Variants in TBC1D31 observed in about 807,000 individuals in gnomAD.
The protein encoded by TBC1D31 is WD repeat domain 67.
In TBC1D31, 99 loss-of-function variants were observed where a neutral mutation model predicts 132.9. That is an observed-to-expected ratio of 0.74 (90% CI 0.63 to 0.88). The LOEUF (loss-of-function observed/expected upper bound fraction) is 0.88, where lower values mean the gene tolerates loss of function less well. Among genes scored for constraint, TBC1D31 ranks in the 40% least tolerant of loss-of-function variants. The pLI is 0.00. For missense variants in TBC1D31, 1,134 were observed against 1,256.6 expected (o/e 0.90, Z 1.48); for synonymous variants, 385 against 419.4 (o/e 0.92, Z 1.00).
At chr8:123,157,805 C>G in the TBC1D31 span, among the ~76,000 whole-genome samples, 1 of 152,148 alleles carries the variant, frequency 6.6e-6, no homozygotes, top group Non-Finnish European at 1.5e-5. Flanking sequence ...CTCCCGGCGC[C>G]CCAGGTTTCC....
chr8:123,157,717 G>GGGCACACACACA, the TBC1D31 span, among the ~76,000 whole-genome samples: 2 of 99,640 alleles, frequency 2.0e-5, no homozygotes, highest in Non-Finnish European at 4.2e-5. Context: ...GGGCGCGCGC[G>GGGCACACACACA]CGCACACACA....
rs1363763596 is a variant in TBC1D31, at chr8:123,126,555, A to T, written c.1752A>T (p.Thr584=). 2 of 1,614,144 alleles carry T rather than the reference A, an allele frequency of 1.2e-6. No homozygotes were observed. The highest frequency in any genetic ancestry group is 2.2e-5 in the South Asian group (2 of 91,084). Residue 584 remains threonine, a synonymous_variant, in exon 13 of 22, where the codon ACA becomes ACT. Coordinates refer to ENST00000287380, the MANE Select transcript of TBC1D31 (RefSeq NM_145647.4). Reference sequence around the variant, plus strand: ...AAACTGTGTTCTCAGAAGTGCTGACAAGAGAGGAGTGGCTGAAATTGTTCG... The same window carrying T: ...AAACTGTGTTCTCAGAAGTGCTGACTAGAGAGGAGTGGCTGAAATTGTTCG... The part of the protein sequence containing the change: ...LLETVFSEVL[T]REEWLKLFDN...
the TBC1D31 span, among the ~76,000 whole-genome samples, chr8:123,159,411 G>A: frequency 6.6e-6 from 1 of 152,154 alleles, no homozygotes; most frequent in African/African-American, 2.4e-5. Flanking sequence ...TGAAATGAGC[G>A]AAGAACACAA....
In TBC1D31 at chr8:123,126,148, G is replaced by A; in HGVS notation, c.1663G>A (p.Glu555Lys). 6.2e-7 allele frequency: 1 copy of A among 1,612,352 alleles called. No individual in the cohort carries two copies. Among genetic ancestry groups the A allele is most frequent in the Non-Finnish European group, 8.5e-7 (1 of 1,179,350 alleles). The change falls in exon 12 of 22, where the codon GAA becomes AAA. Residue 555 changes from glutamate (E) to lysine (K), a missense_variant. Physicochemically the swap from Glu to Lys is moderately conservative, Grantham distance 56. Coordinates refer to ENST00000287380, the MANE Select transcript of TBC1D31 (RefSeq NM_145647.4). ...AAATGTTTTGGCATTTCATGACAAG[G>A]AACTGCTGCAACACTTCATAGATCA... is the stretch of plus-strand genomic sequence containing the variant. ...IENVLAFHDKELLQHFIDHDI... is the reference protein window; with the variant it reads ...IENVLAFHDKKLLQHFIDHDI...
intron 8 of TBC1D31, among the ~76,000 whole-genome samples, chr8:123,105,916 G>A (rs938877560): frequency 6.6e-6 from 1 of 151,930 alleles, no homozygotes; most frequent in Non-Finnish European, 1.5e-5. Flanking sequence ...ATTGCTCCAC[G>A]CTCTCTCTCC....
intron 10 of TBC1D31, among the ~76,000 whole-genome samples, chr8:123,118,632 G>C (rs993599999): frequency 6.6e-6 from 1 of 151,302 alleles, no homozygotes. Flanking sequence ...TGTATGAAGC[G>C]CTTATATAAA....
Position 123,130,306 on chromosome 8 carries a change from A to G in TBC1D31, c.2379A>G (p.Arg793=), listed in dbSNP as rs1820494217. ...LQQDQQEMEL[R]RLDDEIGRKV... ...AAGATCAACAGGAAATGGAACTAAG[A>G]AGACTGGATGATGAAATTGGGAGAA... is the stretch of plus-strand genomic sequence containing the variant. Residue 793 remains arginine (R), a synonymous_variant, in exon 16 of 22, where the codon AGA becomes AGG. Transcript: ENST00000287380. 6.2e-7 allele frequency: 1 copy of G among 1,612,150 alleles called. No individual in the cohort carries two copies. Among genetic ancestry groups the G allele is most frequent in the Admixed American group, 1.7e-5 (1 of 59,762 alleles).
At chr8:123,150,196 G>A (rs1822640955) in intron 21 of TBC1D31, 68 bp downstream of exon 21, 3 of 1,250,024 alleles carry the variant, frequency 2.4e-6, no homozygotes, top group Admixed American at 1.8e-5. Context: ...CAAAATTGTG[G>A]CTTAAATTAT....
At chr8:123,156,960 C>A (rs187711671), downstream of TBC1D31, among the ~76,000 whole-genome samples, 2 of 152,196 alleles carry the variant, frequency 1.3e-5, no homozygotes, top group Non-Finnish European at 2.9e-5. Flanking sequence ...TCCTCCCCCC[C>A]GCGACGGCCA....
intron 7 of TBC1D31, chr8:123,103,509 G>C (rs191289378): frequency 6.6e-6 from 1 of 151,502 alleles, no homozygotes; most frequent in East Asian, 1.9e-4. Context: ...TGCAGCCTCC[G>C]CCTCCCGAGT....
In TBC1D31 at chr8:123,078,079, T is replaced by C. The variant is rs1050694507; in HGVS notation, c.224+822T>C. Among the ~76,000 whole-genome samples, 3 of 152,134 alleles carry C rather than the reference T, an allele frequency of 2.0e-5. No individual in the cohort carries two copies. The South Asian group carries it at 6.2e-4, about 31-fold the overall frequency. ...AAAAAAAAAAAGTTGGTTTTCACTCTTCTTCCTCTTCTCTTCCCTTGTGAA... is the reference window on the plus strand; with the variant it reads ...AAAAAAAAAAAGTTGGTTTTCACTCCTCTTCCTCTTCTCTTCCCTTGTGAA... On this transcript the variant is annotated intron_variant, in intron 2 of 21. Coordinates refer to ENST00000287380, the MANE Select transcript of TBC1D31 (RefSeq NM_145647.4).
At position 123,096,650 on chromosome 8, in the gene TBC1D31, T is replaced by C. The variant is rs529763645; in HGVS notation, c.672-632T>C. Among the ~76,000 whole-genome samples, 92 of 152,380 alleles carry C rather than the reference T, an allele frequency of 6.0e-4. 1 individual carries two copies. The highest frequency in any genetic ancestry group is 3.4e-3 in the Middle Eastern group (1 of 294). On this transcript the variant is annotated intron_variant, in intron 5 of 21. Transcript: ENST00000287380. ...GCTTGTGCAGCCTTAACTGACTGTG[T>C]CCATGGCTTCTGGGACCATACCTGG...
At chr8:123,094,057 C>G (rs1004635326) in intron 5 of TBC1D31, among the ~76,000 whole-genome samples, 44 of 151,888 alleles carry the variant, frequency 2.9e-4, no homozygotes, top group African/African-American at 1.0e-3. Context: ...CAACGAATGG[C>G]CATTTCTTTT....
At chr8:123,157,608 C>T in the TBC1D31 span, among the ~76,000 whole-genome samples, 1 of 152,118 alleles carries the variant, frequency 6.6e-6, no homozygotes, top group South Asian at 2.1e-4. Flanking sequence ...TATCAGGCAC[C>T]CACTGTGTTC....
chr8:123,098,898 G>C (rs1817090445), intron 6 of TBC1D31, among the ~76,000 whole-genome samples: 1 of 152,138 alleles, frequency 6.6e-6, no homozygotes, highest in Non-Finnish European at 1.5e-5. Context: ...GAGGGGCTTT[G>C]TTTCCTACAA....
intron 2 of TBC1D31, among the ~76,000 whole-genome samples, chr8:123,078,771 A>T (rs561637201): frequency 6.6e-6 from 1 of 152,276 alleles, no homozygotes. Context: ...ATAAAATTGA[A>T]ATCTATGAGT....
At chr8:123,092,617 T>C (rs1278645711) in intron 4 of TBC1D31, among the ~76,000 whole-genome samples, 1 of 151,982 alleles carries the variant, frequency 6.6e-6, no homozygotes, top group Non-Finnish European at 1.5e-5. Context: ...GGGAGTAATA[T>C]ATATAGACAA....
At chr8:123,080,230 T>TTATA (rs1474600019) in intron 2 of TBC1D31, among the ~76,000 whole-genome samples, 1 of 152,216 alleles carries the variant, frequency 6.6e-6, no homozygotes, top group African/African-American at 2.4e-5. Context: ...ATGCTCTGGC[T>TTATA]TATATAGCAT....
At chr8:123,135,416 A>G (rs1441826195) in intron 17 of TBC1D31, among the ~76,000 whole-genome samples, 3 of 152,220 alleles carry the variant, frequency 2.0e-5, no homozygotes, top group African/African-American at 7.2e-5. Flanking sequence ...CCTGGGCAAC[A>G]CAGCAAGACC....
Sources: allele counts gnomAD v4.1 joint callset (sites outside exome capture counted in the v4.1 genomes callset), GRCh38; gene constraint gnomAD v4.1.1; transcripts MANE v1.5; gene names NCBI Gene and HGNC (gene_info 2026-07-23, HGNC 2026-07-21).